Variants in PPIL2 observed in about 807,000 individuals in gnomAD.
The protein encoded by PPIL2 is peptidylprolyl isomerase like 2.
PPIL2 carries 50 observed loss-of-function variants against 75.2 expected under a neutral mutation model. The ratio of observed to expected loss-of-function variants is 0.66; its 90% CI spans 0.53 to 0.84. The LOEUF is 0.84. PPIL2 is among the 40% of genes least tolerant of loss of function. The probability of loss-of-function intolerance (pLI) is 0.00; values close to 1 mark genes in which losing one functional copy is unlikely to be tolerated. For synonymous variants in PPIL2, 245 were observed against 258.8 expected (o/e 0.95, Z 0.51); for missense variants, 590 against 685.0 (o/e 0.86, Z 1.55).
At chr22:21,668,627 CA>C (rs143903424) in intron 1 of PPIL2, among the ~76,000 whole-genome samples, 82,750 of 141,846 alleles carry the variant, frequency 0.58, 25,399 homozygotes, top group Middle Eastern at 0.75. Flanking sequence ...GACTCCGTCT[CA>C]AAAAAAAAAT....
intron 10 of PPIL2, chr22:21,685,745 G>T: frequency 2.4e-6 from 1 of 411,716 alleles, no homozygotes; most frequent in Non-Finnish European, 4.8e-6. Flanking sequence ...CACTGTGCCT[G>T]GCTTGTATTT....
In PPIL2 at chr22:21,687,550, C is replaced by CAAA. The variant is rs36108489; in HGVS notation, c.898-74_898-72dup. 4.0e-3 allele frequency: 1,208 copies of CAAA among 305,654 alleles called. 6 individuals are homozygous for CAAA. The highest frequency in any genetic ancestry group is 6.2e-3 in the South Asian group (251 of 40,684). The allele number at this position is 305,654 out of a possible 1,614,324, so 18.9% of individuals were successfully genotyped here. ...CCTGGGCAACAGCAAGACTCCACCTCAAAAAAAAAAAAAAAAAAAAAGCCT... is the reference window on the plus strand; with the variant it reads ...CCTGGGCAACAGCAAGACTCCACCTCAAAAAAAAAAAAAAAAAAAAAAAAGCCT... On this transcript the variant is annotated intron_variant, in intron 12 of 19. Coordinates refer to ENST00000398831, the MANE Select transcript of PPIL2 (RefSeq NM_014337.4).
intron 1 of PPIL2, among the ~76,000 whole-genome samples, chr22:21,668,085 C>T (rs757005086): frequency 2.0e-5 from 3 of 151,750 alleles, no homozygotes; most frequent in Non-Finnish European, 4.4e-5. Flanking sequence ...CCAGACATCT[C>T]GAATTTAATA....
At chr22:21,689,059 C>T (rs1279200471) in intron 15 of PPIL2, among the ~76,000 whole-genome samples, 2 of 152,220 alleles carry the variant, frequency 1.3e-5, no homozygotes, top group East Asian at 3.8e-4. Context: ...GGTGTGTCCT[C>T]GAGAGACCAG....
chr22:21,666,975 A>AGAACTGCCCCT (rs2066411029), intron 1 of PPIL2, among the ~76,000 whole-genome samples: 2 of 151,674 alleles, frequency 1.3e-5, no homozygotes, highest in East Asian at 3.9e-4. Flanking sequence ...TTTCGACCCC[A>AGAACTGCCCCT]GAACTGTTGG....
At chr22:21,667,250 G>A (rs2066428481) in intron 1 of PPIL2, among the ~76,000 whole-genome samples, 2 of 145,154 alleles carry the variant, frequency 1.4e-5, no homozygotes, top group African/African-American at 2.6e-5. Context: ...TCCGCTTCCC[G>A]GCTTCAAGAG....
At chr22:21,667,301 C>T (rs899503145) in intron 1 of PPIL2, among the ~76,000 whole-genome samples, 1 of 151,910 alleles carries the variant, frequency 6.6e-6, no homozygotes, top group East Asian at 1.9e-4. Context: ...GGATTACAGG[C>T]ATACGCCACC....
chr22:21,668,637 AT>A (rs1480157994), intron 1 of PPIL2, among the ~76,000 whole-genome samples: 111 of 145,520 alleles, frequency 7.6e-4, no homozygotes, highest in Middle Eastern at 7.0e-3. Flanking sequence ...CAAAAAAAAA[AT>A]AAATAAAATA....
intron 9 of PPIL2, 42 bp from the exon 10 acceptor site, chr22:21,684,711 A>G (rs1251767808): frequency 9.3e-6 from 15 of 1,606,234 alleles, no homozygotes; most frequent in Non-Finnish European, 1.2e-5. Flanking sequence ...TGGGGAGGCT[A>G]CTGGGGGCTC....
intron 9 of PPIL2, among the ~76,000 whole-genome samples, chr22:21,684,296 A>ACC (rs2067251519): frequency 4.5e-5 from 1 of 22,352 alleles, no homozygotes; most frequent in Non-Finnish European, 9.3e-5. Flanking sequence ...ATTGTAACAC[A>ACC]AAAAAATTAG....
At position 21,675,007 on chromosome 22, in the gene PPIL2, T is replaced by C. The variant is rs200493152; in HGVS notation, c.244-57T>C. ...TTCCTGCCTGTCTCTGACCCTAGCA[T>C]CTCTGTGCATCAGTTACTTATTCAT... On this transcript the variant is annotated intron_variant, in intron 5 of 19. Transcript: ENST00000398831. 5.2e-5 allele frequency: 76 copies of C among 1,463,648 alleles called. No individual in the cohort carries two copies. The Middle Eastern group carries it at 1.2e-3, about 23-fold the overall frequency. 90.7% of individuals were successfully genotyped at this position (1,463,648 alleles called of 1,614,324 possible).
intron 4 of PPIL2, 63 bp downstream of exon 4, chr22:21,671,122 G>T (rs1333380609): frequency 6.6e-7 from 1 of 1,512,828 alleles, no homozygotes; most frequent in Non-Finnish European, 9.2e-7. Flanking sequence ...TTAAGGAAGG[G>T]GACCCTTGGT....
At chr22:21,686,650 C>T in intron 11 of PPIL2, 92 bp downstream of exon 11, 1 of 1,321,814 alleles carries the variant, frequency 7.6e-7, no homozygotes, top group Non-Finnish European at 1.1e-6. Flanking sequence ...ATTGGTCTGT[C>T]AGGGGCTCCC....
intron 1 of PPIL2, among the ~76,000 whole-genome samples, chr22:21,668,162 C>T (rs1373169511): frequency 1.9e-5 from 2 of 106,220 alleles, no homozygotes; most frequent in Non-Finnish European, 4.5e-5. Context: ...AAAAATAAAA[C>T]CCTAAGTCCC....
At chr22:21,682,619 C>A in intron 8 of PPIL2, 93 bp downstream of exon 8, 1 of 664,962 alleles carries the variant, frequency 1.5e-6, no homozygotes, top group Non-Finnish European at 2.2e-6. Context: ...CAGGGCCCCT[C>A]ATATCTGTCC....
chr22:21,668,139 C>T (rs2066466811), intron 1 of PPIL2, among the ~76,000 whole-genome samples: 1 of 141,862 alleles, frequency 7.0e-6, no homozygotes, highest in Non-Finnish European at 1.6e-5. Context: ...GAGCCTGCTC[C>T]TCCCTGTAAA....
At chr22:21,686,689 C>G (rs1195051625) in intron 11 of PPIL2, 131 bp downstream of exon 11, 10 of 1,076,536 alleles carry the variant, frequency 9.3e-6, no homozygotes, top group Non-Finnish European at 1.4e-5. Context: ...AGTCCTCCCC[C>G]TCTTAGCTGC....
intron 2 of PPIL2, 198 bp from the exon 3 acceptor site, chr22:21,670,368 C>G: frequency 6.6e-7 from 1 of 1,505,642 alleles, no homozygotes; most frequent in Non-Finnish European, 8.9e-7. Flanking sequence ...AAAGTATGCA[C>G]TTTTCCCAGT....
At chr22:21,669,460 T>C (rs1288875393) in intron 1 of PPIL2, 2 of 410,526 alleles carry the variant, frequency 4.9e-6, no homozygotes, top group Non-Finnish European at 9.9e-6. Context: ...CCATGTCTGT[T>C]GTGTTTATCA....
Sources: allele counts gnomAD v4.1 joint callset (sites outside exome capture counted in the v4.1 genomes callset), GRCh38; gene constraint gnomAD v4.1.1; transcripts MANE v1.5; gene names NCBI Gene and HGNC (gene_info 2026-07-23, HGNC 2026-07-21).